The following PPIG variants were observed in gnomAD, a reference collection of about 807,000 sequenced individuals.
PPIG encodes the protein peptidyl-prolyl cis-trans isomerase G.
A neutral mutation model predicts 87.9 loss-of-function variants in PPIG; 26 were observed. That is an observed-to-expected ratio of 0.30 (90% confidence interval 0.22 to 0.41). The LOEUF (loss-of-function observed/expected upper bound fraction) is 0.41. Among genes scored for constraint, PPIG ranks in the 10% least tolerant of loss-of-function variants. PPIG has a pLI of 1.00. For synonymous variants in PPIG, 308 were observed against 276.5 expected (o/e 1.11, Z -1.13); for missense variants, 722 against 879.4 (o/e 0.82, Z 2.26).
At chr2:169,628,117 A>T (rs1379161291) in intron 9 of PPIG, among the ~76,000 whole-genome samples, 1 of 152,108 alleles carries the variant, frequency 6.6e-6, no homozygotes, top group Non-Finnish European at 1.5e-5. Flanking sequence ...TGGGCTCGTG[A>T]GACAAAATTA....
chr2:169,626,922 C>T (rs1685903973), intron 9 of PPIG, among the ~76,000 whole-genome samples: 1 of 152,098 alleles, frequency 6.6e-6, no homozygotes, highest in Non-Finnish European at 1.5e-5. Flanking sequence ...GTTGGCCAGG[C>T]TGGTCTCGAA....
chr2:169,610,441 T>A (rs1480113906), intron 7 of PPIG, among the ~76,000 whole-genome samples: 1 of 152,182 alleles, frequency 6.6e-6, no homozygotes, highest in Admixed American at 6.5e-5. Context: ...CCTTTCTGGT[T>A]ATATTTCATT....
At chr2:169,612,949 C>T (rs553736793) in intron 7 of PPIG, among the ~76,000 whole-genome samples, 4 of 152,232 alleles carry the variant, frequency 2.6e-5, no homozygotes, top group East Asian at 1.9e-4. Flanking sequence ...TCTACATTCC[C>T]GTTAGCAATG....
intron 9 of PPIG, 140 bp from the exon 10 acceptor site, chr2:169,630,634 T>C (rs1164245356): frequency 2.9e-6 from 2 of 695,410 alleles, no homozygotes; most frequent in African/African-American, 3.6e-5. Context: ...TTGACTCCTT[T>C]CCTGTACTTC....
rs71006008 is a variant in PPIG at position 169,604,327 on chromosome 2, G to GTTT, written c.136+92_136+94dup. ...TGACTATGGCTTGCTTGCTTGCTTG[G>GTTT]TTTTTTTTTTTTTTTTTTTTTTTTT... is the stretch of plus-strand genomic sequence containing the variant. On this transcript the variant is annotated intron_variant, in intron 4 of 13. Coordinates refer to ENST00000260970, the MANE Select transcript of PPIG (RefSeq NM_004792.3). The GTTT allele has an allele frequency of 5.3e-3, 1,845 of 346,616 alleles. 101 individuals carry two copies. Among genetic ancestry groups the GTTT allele is most frequent in the African/African-American group, 0.031 (646 of 20,680 alleles). The allele number at this position is 346,616 out of a possible 1,614,324, so 21.5% of individuals were successfully genotyped here. A position where few individuals can be genotyped will look rare whatever the true frequency, so the allele number is the denominator to read the frequency against.
At chr2:169,589,417 T>C (rs1304407429) in intron 1 of PPIG, among the ~76,000 whole-genome samples, 1 of 152,202 alleles carries the variant, frequency 6.6e-6, no homozygotes, top group Admixed American at 6.5e-5. Context: ...TCGTTTCTCA[T>C]TTGATCTATA....
rs140686599 is a variant in PPIG, at chr2:169,637,422, A to G, written c.2164A>G (p.Asn722Asp). Residue 722 changes from asparagine (N) to aspartate (D), a missense_variant, in exon 14 of 14, where the codon AAC becomes GAC. Around this residue, in one of 4 missense-constraint regions of PPIG, gnomAD observed 476 missense variants for 483.1 expected, o/e 0.99. Coordinates refer to ENST00000260970, the MANE Select transcript of PPIG (RefSeq NM_004792.3). ...EKIRSSVEKE[N>D]QKSKGQENDH... ...GATCAGATCCTCAGTGGAAAAAGAA[A>G]ACCAAAAATCAAAAGGTCAAGAAAA... The G allele has an allele frequency of 1.2e-6, 2 of 1,612,632 alleles. No homozygotes were observed. Among genetic ancestry groups the G allele is most frequent in the African/African-American group, 1.3e-5 (1 of 74,854 alleles).
chr2:169,615,911 A>G (rs539178832), intron 9 of PPIG, among the ~76,000 whole-genome samples: 1 of 152,156 alleles, frequency 6.6e-6, no homozygotes, highest in South Asian at 2.1e-4. Context: ...GGTTTATTAC[A>G]TAGGTATACA....
At chr2:169,608,082 T>G (rs956033220) in intron 6 of PPIG, among the ~76,000 whole-genome samples, 1 of 152,190 alleles carries the variant, frequency 6.6e-6, no homozygotes, top group Non-Finnish European at 1.5e-5. Flanking sequence ...TAAAGTGGTG[T>G]TATCTTTTCC....
intron 1 of PPIG, among the ~76,000 whole-genome samples, chr2:169,594,965 G>C (rs1574437229): frequency 2.0e-5 from 3 of 152,000 alleles, no homozygotes; most frequent in Admixed American, 2.0e-4. Flanking sequence ...GTCTCACTCT[G>C]TTGCCCAAGC....
At chr2:169,592,838 T>C (rs1392386819) in intron 1 of PPIG, among the ~76,000 whole-genome samples, 1 of 152,230 alleles carries the variant, frequency 6.6e-6, no homozygotes. Flanking sequence ...TAGTAATTAG[T>C]AGCATTTCAG....
intron 9 of PPIG, among the ~76,000 whole-genome samples, chr2:169,622,472 A>C (rs1159596406): frequency 6.6e-6 from 1 of 152,208 alleles, no homozygotes; most frequent in African/African-American, 2.4e-5. Flanking sequence ...TGCCCATGCC[A>C]TTGGGGCCAG....
Position 169,614,348 on chromosome 2 carries a change from A to T in PPIG, c.378-116A>T, listed in dbSNP as rs1170017939. 9.7e-6 allele frequency: 9 copies of T among 926,080 alleles called. No homozygotes were observed. In the East Asian group the frequency reaches 2.0e-4, roughly 20 times the overall value. The allele number at this position is 926,080 out of a possible 1,614,324, so 57.4% of individuals were successfully genotyped here. A position where few individuals can be genotyped will look rare whatever the true frequency, so the allele number is the denominator to read the frequency against. On this transcript the variant is annotated intron_variant, in intron 7 of 13. Coordinates refer to ENST00000260970, the MANE Select transcript of PPIG (RefSeq NM_004792.3). ...TATGATTATATTAAGATAGCAGTTG[A>T]TGTCTTTGTTTTCAACTTTGTTTCC...
chr2:169,600,760 C>G (rs1201394697), intron 1 of PPIG, among the ~76,000 whole-genome samples: 1 of 152,078 alleles, frequency 6.6e-6, no homozygotes, highest in Non-Finnish European at 1.5e-5. Flanking sequence ...TGTATACAAC[C>G]TAGGAAATGC....
Position 169,637,080 on chromosome 2 carries a change from G to C in PPIG, c.1822G>C (p.Glu608Gln). 6.2e-7 allele frequency: 1 copy of C among 1,613,414 alleles called. No individual in the cohort carries two copies. Among genetic ancestry groups the C allele is most frequent in the Non-Finnish European group, 8.5e-7 (1 of 1,179,756 alleles). Reference sequence around the variant, plus strand: ...GAGAAGAGGACGGTCACGAAGCCGAGAGAGAAGAACACCACCAGGAAGATC... The same window carrying C: ...GAGAAGAGGACGGTCACGAAGCCGACAGAGAAGAACACCACCAGGAAGATC... ...YRRRGRSRSR[E>Q]RRTPPGRSRS... Residue 608 changes from glutamate to glutamine, a missense_variant, in exon 14 of 14, where the codon GAG (glutamate) becomes CAG (glutamine). By Grantham distance (29) the Glu-to-Gln change is conservative. Around this residue, in one of 4 missense-constraint regions of PPIG, gnomAD observed 476 missense variants for 483.1 expected, o/e 0.99. Coordinates refer to ENST00000260970, the MANE Select transcript of PPIG (RefSeq NM_004792.3).
intron 9 of PPIG, among the ~76,000 whole-genome samples, chr2:169,618,826 AT>A (rs35389984): frequency 0.032 from 4,664 of 145,432 alleles, 104 homozygotes; most frequent in Non-Finnish European, 0.048. Flanking sequence ...GGATTCATTG[AT>A]TTTTTTTTTT....
intron 1 of PPIG, among the ~76,000 whole-genome samples, chr2:169,591,503 A>G (rs1684861894): frequency 6.6e-6 from 1 of 152,190 alleles, no homozygotes; most frequent in Non-Finnish European, 1.5e-5. Flanking sequence ...TGCATTTTGT[A>G]TGATTAATTT....
In PPIG at chr2:169,596,055, C is replaced by T. The variant is rs900247612; in HGVS notation, c.-69-7587C>T. 9.9e-5 allele frequency among the ~76,000 whole-genome samples: 15 copies of T among 151,318 alleles called. No homozygotes were observed. In the South Asian group the frequency reaches 1.3e-3, roughly 13 times the overall value. ...CTGACCTCAGATGATCCACCCGCCT[C>T]GGCCTCCCAAAGTGCTGGGATTACA... On this transcript the variant is annotated intron_variant, in intron 1 of 13. Coordinates refer to ENST00000260970, the MANE Select transcript of PPIG (RefSeq NM_004792.3).
At chr2:169,613,369 T>A (rs1408286085) in intron 7 of PPIG, among the ~76,000 whole-genome samples, 1 of 152,218 alleles carries the variant, frequency 6.6e-6, no homozygotes, top group Admixed American at 6.5e-5. Context: ...TCACCAAAGA[T>A]TAGCATAAAT....
Sources: gnomAD v4.1 joint callset for allele counts (sites outside exome capture counted in the v4.1 genomes callset) on GRCh38, gnomAD v4.1.1 for gene constraint, gnomAD v4.1.1 regional missense constraint, MANE v1.5 for transcripts, NCBI Gene and HGNC (gene_info 2026-07-23, HGNC 2026-07-21) for gene names.